SV2A: variants seen among roughly 807,000 people sequenced by gnomAD.
The protein encoded by SV2A is synaptic vesicle glycoprotein 2A, also known as solute carrier family 22 member B1.
Under a neutral mutation model 78.0 loss-of-function variants are expected in SV2A, and 25 were observed. The ratio of observed to expected loss-of-function variants is 0.32; its 90% CI spans 0.23 to 0.45. SV2A has a LOEUF of 0.45. Ranked by LOEUF, SV2A falls within the 20% of genes least tolerant of loss-of-function variation. The pLI, the probability that SV2A is intolerant of heterozygous loss-of-function variation, is 1.00. For missense variants in SV2A, 752 were observed against 971.5 expected (o/e 0.77, Z 3.00); for synonymous variants, 355 against 384.7 (o/e 0.92, Z 0.90).
rs1553762481 is a variant in SV2A, at chr1:149,905,081, G to A, written c.2162C>T (p.Ala721Val). The A allele has an allele frequency of 1.2e-6, 2 of 1,613,448 alleles. No individual in the cohort carries two copies. Among genetic ancestry groups the A allele is most frequent in the Non-Finnish European group, 1.7e-6 (2 of 1,179,772 alleles). ...CAGAGAGCTGCCAAGGGCAAGGGCA[G>A]CTGAGGCAAAGAGGATGGGTGCAGC... is the stretch of plus-strand genomic sequence containing the variant. ...TKAAPILFAS[A>V]ALALGSSLAL... Residue 721 changes from alanine (A) to valine (V), a missense_variant, in exon 13 of 13, where the codon GCT becomes GTT. Transcript: ENST00000369146.
chr1:149,915,296 T>A (rs2092505861), intron 1 of SV2A, among the ~76,000 whole-genome samples: 1 of 152,192 alleles, frequency 6.6e-6, no homozygotes, highest in Admixed American at 6.5e-5. Context: ...GGGGTCATAC[T>A]TAGATGCTGT....
intron 11 of SV2A, 94 bp downstream of exon 11, chr1:149,906,556 A>G: frequency 7.4e-7 from 1 of 1,345,742 alleles, no homozygotes; most frequent in Non-Finnish European, 1.0e-6. Context: ...CTCTCTGACC[A>G]ATCTCTTCCA....
At position 149,905,058 on chromosome 1, in the gene SV2A, G is replaced by C; in HGVS notation, c.2185C>G (p.Leu729Val). 2 of 1,613,284 alleles carry C rather than the reference G, an allele frequency of 1.2e-6. 1 individual carries two copies. Among genetic ancestry groups the C allele is most frequent in the South Asian group, 2.2e-5 (2 of 90,764 alleles). Residue 729 changes from leucine (L) to valine (V), a missense_variant, in exon 13 of 13, where the codon CTG becomes GTG. Around this residue, in one of 7 missense-constraint regions of SV2A, gnomAD observed 186 missense variants for 274.6 expected, o/e 0.68. Coordinates refer to ENST00000369146, the MANE Select transcript of SV2A (RefSeq NM_014849.5). The stretch of plus-strand genomic sequence containing the variant: ...CGGGTCTCAGGCAGCTTCAGGGCCA[G>C]AGAGCTGCCAAGGGCAAGGGCAGCT... ...ASAALALGSS[L>V]ALKLPETRGQ...
chr1:149,915,905 A>G (rs1009343119), intron 1 of SV2A, among the ~76,000 whole-genome samples: 1 of 151,762 alleles, frequency 6.6e-6, no homozygotes, highest in Non-Finnish European at 1.5e-5. Context: ...ACACACACAC[A>G]CACACACGCA....
Position 149,907,693 on chromosome 1 carries a change from G to T in SV2A, c.1678+7C>A. 1 of 1,611,024 alleles carries T rather than the reference G, an allele frequency of 6.2e-7. No homozygotes were observed. Among genetic ancestry groups the T allele is most frequent in the Non-Finnish European group, 8.5e-7 (1 of 1,178,364 alleles). On this transcript the variant is annotated splice_region_variant and intron_variant, in intron 10 of 12. Transcript: ENST00000369146. ...TGGTCTGACACCCACCAGCCACCCCGCCTTACCAGTGTTATAGAACACAGT... is the reference window on the plus strand; with the variant it reads ...TGGTCTGACACCCACCAGCCACCCCTCCTTACCAGTGTTATAGAACACAGT...
Position 149,911,806 on chromosome 1 carries a change from C to T in SV2A, c.797G>A (p.Gly266Glu). 1 of 1,613,878 alleles carries T rather than the reference C, an allele frequency of 6.2e-7. No individual in the cohort carries two copies. Among genetic ancestry groups the T allele is most frequent in the Non-Finnish European group, 8.5e-7 (1 of 1,179,866 alleles). Residue 266 changes from glycine to glutamate, a missense_variant, in exon 3 of 13, where the codon GGG becomes GAG. Physicochemically the swap from Gly to Glu is moderately conservative, Grantham distance 98. This residue lies in a region of SV2A where 291 missense variants were observed against 359.5 expected (regional missense o/e 0.81). Coordinates refer to ENST00000369146, the MANE Select transcript of SV2A (RefSeq NM_014849.5). ...TTAGGAAGTGTACACTCACCCAACCCCAGAAAGTAGGCGGCAGAAGAGGAA... is the reference window on the plus strand; with the variant it reads ...TTAGGAAGTGTACACTCACCCAACCTCAGAAAGTAGGCGGCAGAAGAGGAA... The part of the protein sequence containing the change: ...GTFLFCRLLS[G>E]VGIGGSIPIV...
At chr1:149,907,660 C>T in intron 10 of SV2A, 40 bp downstream of exon 10, 2 of 1,598,310 alleles carry the variant, frequency 1.3e-6, no homozygotes, top group Non-Finnish European at 1.7e-6. Flanking sequence ...AAGGTCCACC[C>T]AACCCTTTGG....
intron 1 of SV2A, 95 bp from the exon 2 acceptor site, chr1:149,914,282 C>T (rs782333302): frequency 1.8e-5 from 3 of 164,440 alleles, no homozygotes; most frequent in African/African-American, 7.2e-5. Flanking sequence ...CCCATCTGGA[C>T]CATGTGGTGC....
intron 10 of SV2A, 97 bp downstream of exon 10, chr1:149,907,603 C>T (rs1553762950): frequency 1.4e-6 from 2 of 1,458,538 alleles, no homozygotes. Context: ...CCAGGGATCT[C>T]AGCTTGAGAA....
Position 149,908,176 on chromosome 1 carries a change from G to A in SV2A, c.1410C>T (p.Asp470=), listed in dbSNP as rs2092451408. Residue 470 remains aspartate (D), a synonymous_variant, in exon 9 of 13, where the codon GAC becomes GAT. Coordinates refer to ENST00000369146, the MANE Select transcript of SV2A (RefSeq NM_014849.5). The part of the protein sequence containing the change: ...SYYGLTVWFP[D]MIRHLQAVDY... The stretch of plus-strand genomic sequence containing the variant: ...CCACTGCCTGGAGATGGCGGATCAT[G>A]TCAGGAAACCAGACGGTCAGGCCAT... 6.2e-7 allele frequency: 1 copy of A among 1,614,052 alleles called. No homozygotes were observed. Among genetic ancestry groups the A allele is most frequent in the African/African-American group, 1.3e-5 (1 of 74,922 alleles).
At chr1:149,909,751 G>T in intron 6 of SV2A, 50 bp downstream of exon 6, 2 of 1,596,104 alleles carry the variant, frequency 1.3e-6, no homozygotes, top group Non-Finnish European at 1.7e-6. Flanking sequence ...GCCAGGTAGG[G>T]GCTGGGGCTG....
At position 149,904,902 on chromosome 1, in the gene SV2A, C is replaced by CGGGGAGT; in HGVS notation, c.*105_*111dup. 1 of 1,219,716 alleles carries CGGGGAGT rather than the reference C, an allele frequency of 8.2e-7. No individual in the cohort carries two copies. The highest frequency in any genetic ancestry group is 1.1e-6 in the Non-Finnish European group (1 of 879,174). 75.6% of individuals were successfully genotyped at this position (1,219,716 alleles called of 1,614,324 possible). On this transcript the variant is annotated 3_prime_UTR_variant, in exon 13 of 13. Coordinates refer to ENST00000369146, the MANE Select transcript of SV2A (RefSeq NM_014849.5). ...GCACACACAGCTAAGACACCAAACA[C>CGGGGAGT]GGGGAGTGGGGAGTGAGGGCTCTGG...
Position 149,913,872 on chromosome 1 carries a change from T to C in SV2A, c.-32A>G. On this transcript the variant is annotated 5_prime_UTR_variant, in exon 2 of 13. Transcript: ENST00000369146. ...GCTTGGGGCACTTCACTGGGTCTTC[T>C]CCACCTCCTGCTTCTTTTTCAGCTT... The C allele has an allele frequency of 6.4e-7, 1 of 1,560,168 alleles. No individual in the cohort carries two copies. The highest frequency in any genetic ancestry group is 1.2e-5 in the South Asian group (1 of 83,492).
At position 149,906,053 on chromosome 1, in the gene SV2A, A is replaced by G. The variant is rs1244240338; in HGVS notation, c.1886-14T>C. 7.4e-6 allele frequency: 12 copies of G among 1,613,758 alleles called. No individual in the cohort carries two copies. The highest frequency in any genetic ancestry group is 9.3e-6 in the Non-Finnish European group (11 of 1,179,974). On this transcript the variant is annotated splice_polypyrimidine_tract_variant and intron_variant, in intron 11 of 12. Transcript: ENST00000369146. ...CGCTGGAGCCAGCTGGAGCCAGGAG[A>G]GGAGAGAGCAACATGAGCCTGGCCA...
In SV2A at chr1:149,906,777, G is replaced by A. The variant is rs73006309; in HGVS notation, c.1758C>T (p.Asp586=). 6,892 of 1,614,198 alleles carry A rather than the reference G, an allele frequency of 4.3e-3. 213 individuals carry two copies. The African/African-American group carries it at 0.066, about 15-fold the overall frequency. The stretch of plus-strand genomic sequence containing the variant: ...AGGCACCTTCGCCCGTCCCTGTCAC[G>A]TCTAGCGGGCAGCCCTCCTTGTTGT... The part of the protein sequence containing the change: ...FLHNKEGCPL[D]VTGTGEGAYM... Residue 586 remains aspartate (D), a synonymous_variant, in exon 11 of 13, where the codon GAC becomes GAT. Coordinates refer to ENST00000369146, the MANE Select transcript of SV2A (RefSeq NM_014849.5).
chr1:149,909,387 A>G, intron 7 of SV2A, 74 bp downstream of exon 7: 2 of 1,550,146 alleles, frequency 1.3e-6, no homozygotes, highest in Admixed American at 1.7e-5. Flanking sequence ...CATCACCCAC[A>G]CACATAGACT....
intron 8 of SV2A, among the ~76,000 whole-genome samples, 161 bp from the exon 9 acceptor site, chr1:149,908,367 TTC>T: frequency 6.6e-6 from 1 of 151,932 alleles, no homozygotes; most frequent in Middle Eastern, 3.4e-3. Context: ...CCTCACCAGC[TTC>T]TCCCTGCTCC....
In SV2A at chr1:149,904,977, C is replaced by T; in HGVS notation, c.*37G>A. On this transcript the variant is annotated 3_prime_UTR_variant, in exon 13 of 13. Transcript: ENST00000369146. ...GGGAAGGAAGGAGTTGTTGGTCTCA[C>T]AGTGTGCCTGCCAATCCCAAAGCCC... 6.4e-7 allele frequency: 1 copy of T among 1,572,148 alleles called. No individual in the cohort carries two copies. Among genetic ancestry groups the T allele is most frequent in the African/African-American group, 1.3e-5 (1 of 74,386 alleles).
At position 149,913,938 on chromosome 1, in the gene SV2A, CA is replaced by C; in HGVS notation, c.-99del. Reference sequence around the variant, plus strand: ...GTAGAGTCAAAAAGACCCCTCCCCACAGTTACTTAGATGAAGCGTGTTCCAG... The same window carrying C: ...GTAGAGTCAAAAAGACCCCTCCCCACGTTACTTAGATGAAGCGTGTTCCAG... On this transcript the variant is annotated 5_prime_UTR_variant, in exon 2 of 13. Transcript: ENST00000369146. The C allele has an allele frequency of 6.7e-7, 1 of 1,499,138 alleles. No individual in the cohort carries two copies. The highest frequency in any genetic ancestry group is 8.9e-7 in the Non-Finnish European group (1 of 1,126,172). The allele number at this position is 1,499,138 out of a possible 1,614,324, so 92.9% of individuals were successfully genotyped here.
Sources: gnomAD v4.1 joint callset for allele counts (sites outside exome capture counted in the v4.1 genomes callset) on GRCh38, gnomAD v4.1.1 for gene constraint, gnomAD v4.1.1 regional missense constraint, MANE v1.5 for transcripts, NCBI Gene and HGNC (gene_info 2026-07-23, HGNC 2026-07-21) for gene names.